FBXO40: variants seen among roughly 807,000 people sequenced by gnomAD.
FBXO40 encodes the protein F-box only protein 40.
A neutral mutation model predicts 49.9 loss-of-function variants in FBXO40; 50 were observed. That is an observed-to-expected ratio of 1.00 (90% CI 0.80 to 1.27). FBXO40 has a LOEUF of 1.27. FBXO40 is among the 50% of genes most tolerant of loss of function. FBXO40 has a pLI of 0.00. For missense variants in FBXO40, 895 were observed against 870.1 expected (o/e 1.03, Z -0.36); for synonymous variants, 340 against 320.2 (o/e 1.06, Z -0.66).
chr3:121,623,054 C>T lies in FBXO40; in HGVS notation c.1625C>T (p.Thr542Ile). The T allele has an allele frequency of 3.1e-6, 5 of 1,614,204 alleles. No individual in the cohort carries two copies. The highest frequency in any genetic ancestry group is 1.6e-4 in the Middle Eastern group (1 of 6,062). Residue 542 changes from threonine to isoleucine, a missense_variant, in exon 3 of 4, where the codon ACC becomes ATC. Physicochemically the swap from Thr to Ile is moderately conservative, Grantham distance 89. Transcript: ENST00000338040. ...AKVIYSQELK[T>I]FAIKPEVAPE... ...GTAATCTATAGCCAGGAGCTCAAGA[C>T]CTTTGCCATTAAGCCGGAGGTTGCT...
chr3:121,623,277 G>C lies in FBXO40; in HGVS notation c.1848G>C (p.Met616Ile), dbSNP rs779787731. 1.9e-6 allele frequency: 3 copies of C among 1,614,072 alleles called. No individual in the cohort carries two copies. The highest frequency in any genetic ancestry group is 2.2e-5 in the South Asian group (2 of 91,080). Residue 616 changes from methionine (M) to isoleucine (I), a missense_variant, in exon 3 of 4, where the codon ATG becomes ATC. Coordinates refer to ENST00000338040, the MANE Select transcript of FBXO40 (RefSeq NM_016298.4). ...CCACTTTGTTACAAGAGAGAGGAAT[G>C]GTCCTTTTGCAATGGAAGAAAAAGA... ...ICATLLQERG[M>I]VLLQWKKKRY...
Position 121,627,109 on chromosome 3 carries a change from A to T in FBXO40, c.*199A>T. 3.6e-6 allele frequency: 2 copies of T among 553,598 alleles called. No individual in the cohort carries two copies. Among genetic ancestry groups the T allele is most frequent in the Non-Finnish European group, 6.4e-6 (2 of 312,662 alleles). The allele number at this position is 553,598 out of a possible 1,614,324, so 34.3% of individuals were successfully genotyped here. On this transcript the variant is annotated 3_prime_UTR_variant, in exon 4 of 4. Coordinates refer to ENST00000338040, the MANE Select transcript of FBXO40 (RefSeq NM_016298.4). ...AAGCCATGTCTTGTACCATAGTGCC[A>T]CATTGATGACTTGTTTCCTTTTTTC... is the stretch of plus-strand genomic sequence containing the variant.
rs372813938 is a variant in FBXO40 at position 121,623,211 on chromosome 3, C to G, written c.1782C>G (p.Ala594=). 1.4e-5 allele frequency: 23 copies of G among 1,614,008 alleles called. No homozygotes were observed. The African/African-American group carries it at 3.1e-4, about 22-fold the overall frequency. The change falls in exon 3 of 4, where the codon GCC becomes GCG. Residue 594 remains alanine (A), a synonymous_variant. Transcript: ENST00000338040. Reference sequence around the variant, plus strand: ...GGTTCTTGGACAGCGTCAGCCTGGCCCAGCTCTCCCAGGTGTCTGTGCTGA... The same window carrying G: ...GGTTCTTGGACAGCGTCAGCCTGGCGCAGCTCTCCCAGGTGTCTGTGCTGA... ...IAGFLDSVSL[A]QLSQVSVLMR... is the part of the protein sequence containing the mutation.
chr3:121,620,404 G>A (rs1372802304), intron 1 of FBXO40, 142 bp from the exon 2 acceptor site: 1 of 664,744 alleles, frequency 1.5e-6, no homozygotes, highest in Non-Finnish European at 2.5e-6. Flanking sequence ...CTGTTTCCTT[G>A]ACTCAAACAT....
intron 1 of FBXO40, among the ~76,000 whole-genome samples, chr3:121,618,667 G>C (rs2049012621): frequency 6.6e-6 from 1 of 151,714 alleles, no homozygotes. Flanking sequence ...AAGTGTTGGG[G>C]TTATAGGCTT....
intron 1 of FBXO40, among the ~76,000 whole-genome samples, chr3:121,601,258 G>T (rs1461792966): frequency 3.9e-5 from 6 of 152,066 alleles, no homozygotes; most frequent in African/African-American, 1.4e-4. Flanking sequence ...ATAGATGTGA[G>T]GCTATTTCAT....
intron 1 of FBXO40, among the ~76,000 whole-genome samples, chr3:121,595,163 C>T (rs77321783): frequency 0.044 from 6,670 of 152,284 alleles, 261 homozygotes; most frequent in African/African-American, 0.099. Flanking sequence ...TTCCTTCCTG[C>T]CTGTCTCTGT....
intron 1 of FBXO40, among the ~76,000 whole-genome samples, chr3:121,608,543 A>G (rs1212631573): frequency 1.3e-5 from 2 of 152,224 alleles, no homozygotes; most frequent in African/African-American, 2.4e-5. Context: ...GCAGACAAGC[A>G]GCTGGGTTTA....
chr3:121,622,928 A>G lies in FBXO40; in HGVS notation c.1499A>G (p.Gln500Arg). 6.2e-7 allele frequency: 1 copy of G among 1,614,236 alleles called. No individual in the cohort carries two copies. Among genetic ancestry groups the G allele is most frequent in the Non-Finnish European group, 8.5e-7 (1 of 1,180,034 alleles). The change falls in exon 3 of 4, where the codon CAG becomes CGG. Residue 500 changes from glutamine to arginine, a missense_variant. Gln to Arg is a conservative substitution (Grantham distance 43). Coordinates refer to ENST00000338040, the MANE Select transcript of FBXO40 (RefSeq NM_016298.4). ...LHFKNVHTDI[Q>R]SCLNGWFQHR... ...TTCAAGAATGTCCACACAGACATTC[A>G]GTCATGTCTCAATGGCTGGTTCCAG...
intron 1 of FBXO40, among the ~76,000 whole-genome samples, chr3:121,618,347 A>AAAG (rs2049009823): frequency 6.6e-6 from 1 of 151,368 alleles, no homozygotes; most frequent in Non-Finnish European, 1.5e-5. Flanking sequence ...ACTTAGGGAT[A>AAAG]AAGCGTCTTA....
chr3:121,604,640 T>C (rs1375350374), intron 1 of FBXO40, among the ~76,000 whole-genome samples: 1 of 152,224 alleles, frequency 6.6e-6, no homozygotes, highest in Non-Finnish European at 1.5e-5. Context: ...TTGGGATATA[T>C]ATACAATATT....
Position 121,629,698 on chromosome 3 carries a change from C to T in FBXO40, c.*2788C>T, listed in dbSNP as rs1398097112. 2 of 152,216 alleles carry T rather than the reference C, an allele frequency of 1.3e-5. No individual in the cohort carries two copies. The highest frequency in any genetic ancestry group is 4.8e-5 in the African/African-American group (2 of 41,446). The allele number at this position is 152,216 out of a possible 1,614,324, so 9.4% of individuals were successfully genotyped here. A position where few individuals can be genotyped will look rare whatever the true frequency, so the allele number is the denominator to read the frequency against. On this transcript the variant is annotated 3_prime_UTR_variant, in exon 4 of 4. Transcript: ENST00000338040. ...CCGCACTCTCCCCCTCCAGTTGCTGCCTTCAGAGCCGTACTGAAGCACGAG... is the reference window on the plus strand; with the variant it reads ...CCGCACTCTCCCCCTCCAGTTGCTGTCTTCAGAGCCGTACTGAAGCACGAG...
intron 1 of FBXO40, among the ~76,000 whole-genome samples, chr3:121,611,470 C>T (rs1314721986): frequency 3.3e-5 from 5 of 152,170 alleles, no homozygotes; most frequent in East Asian, 1.9e-4. Flanking sequence ...AACATCTCAG[C>T]GGAGTAAAGA....
rs1432080657 is a variant in FBXO40, at chr3:121,628,897, A to G, written c.*1987A>G. 1 of 152,186 alleles carries G rather than the reference A, an allele frequency of 6.6e-6. No homozygotes were observed. The highest frequency in any genetic ancestry group is 1.5e-5 in the Non-Finnish European group (1 of 68,036). 9.4% of individuals were successfully genotyped at this position (152,186 alleles called of 1,614,324 possible). On this transcript the variant is annotated 3_prime_UTR_variant, in exon 4 of 4. Coordinates refer to ENST00000338040, the MANE Select transcript of FBXO40 (RefSeq NM_016298.4). ...TACCTGAAGCCAGGAGCGTTGAGTT[A>G]TTAGCCTTGTGTTTATATTCCTCTC...
chr3:121,619,512 A>T (rs540943348), intron 1 of FBXO40, among the ~76,000 whole-genome samples: 1 of 152,268 alleles, frequency 6.6e-6, no homozygotes, highest in Non-Finnish European at 1.5e-5. Flanking sequence ...TTAACATTTA[A>T]AATTCAGAGT....
intron 1 of FBXO40, among the ~76,000 whole-genome samples, chr3:121,615,557 T>C (rs977334059): frequency 8.1e-5 from 10 of 123,554 alleles, no homozygotes; most frequent in Admixed American, 9.0e-5. Context: ...AGTGAGACTG[T>C]GTCTTAAAAA....
At position 121,624,003 on chromosome 3, in the gene FBXO40, T is replaced by TG. The variant is rs1477470301; in HGVS notation, c.1914+660_1914+661insG. Among the ~76,000 whole-genome samples the TG allele has an allele frequency of 1.9e-3, 271 of 143,380 alleles. 2 individuals are homozygous for TG. Among genetic ancestry groups the TG allele is most frequent in the Non-Finnish European group, 2.9e-3 (188 of 65,756 alleles). The allele number at this position is 143,380 out of a possible 152,430, so 94.1% of individuals were successfully genotyped here. A position where few individuals can be genotyped will look rare whatever the true frequency, so the allele number is the denominator to read the frequency against. On this transcript the variant is annotated intron_variant, in intron 3 of 3. Coordinates refer to ENST00000338040, the MANE Select transcript of FBXO40 (RefSeq NM_016298.4). ...GCACCTGGCCTTTTTTTTTTTTTTTTTTCTGAGATGGAGTTTTGCTCTTGT... is the reference window on the plus strand; with the variant it reads ...GCACCTGGCCTTTTTTTTTTTTTTTTGTTCTGAGATGGAGTTTTGCTCTTGT...
chr3:121,594,387 G>A (rs891741524), intron 1 of FBXO40, among the ~76,000 whole-genome samples: 1 of 151,750 alleles, frequency 6.6e-6, no homozygotes, highest in Non-Finnish European at 1.5e-5. Flanking sequence ...TTTTAGTAGA[G>A]ATGGGGTTTC....
intron 1 of FBXO40, among the ~76,000 whole-genome samples, chr3:121,617,564 C>T (rs947670291): frequency 6.6e-6 from 1 of 151,962 alleles, no homozygotes; most frequent in African/African-American, 2.4e-5. Context: ...CATTGCACTC[C>T]AGCCTGGGCA....
Sources: gnomAD v4.1 joint callset for allele counts (sites outside exome capture counted in the v4.1 genomes callset) on GRCh38, gnomAD v4.1.1 for gene constraint, MANE v1.5 for transcripts, NCBI Gene and HGNC (gene_info 2026-07-23, HGNC 2026-07-21) for gene names.